Variants in RPS11 observed in about 807,000 individuals in gnomAD.
The protein encoded by RPS11 is ribosomal protein S11.
For synonymous variants in RPS11, 107 were observed against 78.0 expected, an observed-to-expected ratio of 1.37 and a Z score of -1.96; for missense variants, 127 against 211.4, an observed-to-expected ratio of 0.60 and a Z score of 2.48.
chr19:49,496,434 C>T lies in RPS11; in HGVS notation c.-23C>T, dbSNP rs113016591. The T allele has an allele frequency of 4.8e-5, 77 of 1,612,340 alleles. No individual in the cohort carries two copies. In the East Asian group the frequency reaches 4.9e-4, roughly 10 times the overall value. On this transcript the variant is annotated 5_prime_UTR_variant, in exon 1 of 5. Coordinates refer to ENST00000270625, the MANE Select transcript of RPS11 (RefSeq NM_001015.5). ...GAAACCCGGACGCTGCTGCCCCTTT[C>T]TTTTTTTCAGGCGGCCGGGAAGATG...
chr19:49,497,061 A>G, intron 1 of RPS11, 133 bp from the exon 2 acceptor site: 1 of 984,434 alleles, frequency 1.0e-6, no homozygotes, highest in East Asian at 2.5e-5. Context: ...CTGGGGCACC[A>G]GGCCTTGGAC....
Position 49,497,961 on chromosome 19 carries a change from C to G in RPS11, c.268C>G (p.Arg90Gly). 1 of 1,614,048 alleles carries G rather than the reference C, an allele frequency of 6.2e-7. No individual in the cohort carries two copies. The highest frequency in any genetic ancestry group is 8.5e-7 in the Non-Finnish European group (1 of 1,179,970). ...GATGCAGAGGACCATTGTCATCCGCCGAGACTATCTGCACTACATCCGCAA... is the reference window on the plus strand; with the variant it reads ...GATGCAGAGGACCATTGTCATCCGCGGAGACTATCTGCACTACATCCGCAA... ...MKMQRTIVIR[R>G]DYLHYIRKYN... Residue 90 changes from arginine (R) to glycine (G), a missense_variant, in exon 4 of 5, where the codon CGA becomes GGA. Arg to Gly is a moderately radical substitution (Grantham distance 125). Transcript: ENST00000270625.
intron 4 of RPS11, 196 bp downstream of exon 4, chr19:49,498,242 A>G (rs2073614): frequency 0.14 from 85,735 of 611,372 alleles, 9,103 homozygotes; most frequent in African/African-American, 0.44. Flanking sequence ...TCTACCTGAA[A>G]TGCTTGGAAC....
At position 49,497,373 on chromosome 19, in the gene RPS11, G is replaced by T. The variant is rs746974819; in HGVS notation, c.147+48G>T. Reference sequence around the variant, plus strand: ...GAAGGGGAACCTGGCGTTCCTGCACGTGTGCCCACGACGAGTTGCCCTGCC... The same window carrying T: ...GAAGGGGAACCTGGCGTTCCTGCACTTGTGCCCACGACGAGTTGCCCTGCC... On this transcript the variant is annotated intron_variant, in intron 2 of 4. Transcript: ENST00000270625. 1.1e-5 allele frequency: 18 copies of T among 1,612,142 alleles called. No individual in the cohort carries two copies. In the East Asian group the frequency reaches 3.8e-4, roughly 34 times the overall value.
At chr19:49,498,686 G>T (rs1255877943) in intron 4 of RPS11, among the ~76,000 whole-genome samples, 1 of 152,174 alleles carries the variant, frequency 6.6e-6, no homozygotes, top group Non-Finnish European at 1.5e-5. Context: ...GAAAGTGGAG[G>T]CTGCAGTGAG....
At chr19:49,498,252 C>G (rs1173539198) in intron 4 of RPS11, 1 of 589,844 alleles carries the variant, frequency 1.7e-6, no homozygotes, top group Non-Finnish European at 3.0e-6. Flanking sequence ...ATGCTTGGAA[C>G]CAGATTTTGG....
chr19:49,497,635 T>C (rs756235490), intron 3 of RPS11, 40 bp downstream of exon 3: 4 of 1,578,976 alleles, frequency 2.5e-6, no homozygotes, highest in Non-Finnish European at 2.6e-6. Context: ...CCTGAAATAC[T>C]GAAAGAAGGG....
Position 49,499,697 on chromosome 19 carries a change from C to G in RPS11, c.*62C>G. 1.3e-6 allele frequency: 2 copies of G among 1,578,114 alleles called. No homozygotes were observed. The highest frequency in any genetic ancestry group is 2.3e-5 in the South Asian group (2 of 87,292). ...GTTATTTTCTCATTCCCAGGCCAGA[C>G]TTGGGATCTTCCGCGCCTTTACCAG... On this transcript the variant is annotated 3_prime_UTR_variant, in exon 5 of 5. Coordinates refer to ENST00000270625, the MANE Select transcript of RPS11 (RefSeq NM_001015.5).
rs200290984 is a variant in RPS11 at position 49,497,616 on chromosome 19, T to G, written c.223+21T>G. ...CTCTGGTAAGTGCGGGAGTTACTGG[T>G]GTCTGGGGCCTGAAATACTGAAAGA... On this transcript the variant is annotated intron_variant, in intron 3 of 4. Coordinates refer to ENST00000270625, the MANE Select transcript of RPS11 (RefSeq NM_001015.5). 8.8e-4 allele frequency: 1,415 copies of G among 1,605,156 alleles called. 2 individuals carry two copies. The highest frequency in any genetic ancestry group is 1.2e-3 in the Non-Finnish European group (1,364 of 1,172,000).
chr19:49,498,769 C>G (rs1324490968), intron 4 of RPS11, among the ~76,000 whole-genome samples: 1 of 152,148 alleles, frequency 6.6e-6, no homozygotes, highest in Non-Finnish European at 1.5e-5. Context: ...CACACAAATT[C>G]AGATTTTGCA....
At chr19:49,497,356 A>G (rs1170353379) in intron 2 of RPS11, 31 bp downstream of exon 2, 1 of 1,613,226 alleles carries the variant, frequency 6.2e-7, no homozygotes, top group Non-Finnish European at 8.5e-7. Flanking sequence ...AAGAAGGGGA[A>G]CCTGGCGTTC....
intron 4 of RPS11, among the ~76,000 whole-genome samples, chr19:49,498,718 C>T (rs924682290): frequency 2.0e-5 from 3 of 152,164 alleles, no homozygotes; most frequent in Non-Finnish European, 4.4e-5. Flanking sequence ...GCACTGCTCT[C>T]CGGCCTGGGC....
At chr19:49,497,781 C>T in intron 3 of RPS11, 136 bp from the exon 4 acceptor site, 1 of 1,331,796 alleles carries the variant, frequency 7.5e-7, no homozygotes, top group Non-Finnish European at 1.1e-6. Flanking sequence ...GCTGAGAAAG[C>T]CACTTGGTAA....
chr19:49,499,462 G>T (rs750456058), intron 4 of RPS11, 50 bp from the exon 5 acceptor site: 6 of 1,585,042 alleles, frequency 3.8e-6, no homozygotes, highest in Non-Finnish European at 5.2e-6. Context: ...GCCTCCTGGG[G>T]TCTGCTGGGG....
At position 49,499,581 on chromosome 19, in the gene RPS11, C is replaced by T. The variant is rs147744906; in HGVS notation, c.423C>T (p.Asn141=). The T allele has an allele frequency of 8.1e-6, 13 of 1,613,914 alleles. No homozygotes were observed. Among genetic ancestry groups the T allele is most frequent in the East Asian group, 4.5e-5 (2 of 44,896 alleles). Residue 141 remains asparagine, a synonymous_variant, in exon 5 of 5, where the codon AAC becomes AAT. Transcript: ENST00000270625. ...CRPLSKTVRF[N]VLKVTKAAGT... ...CTCTGAGCAAGACAGTGCGCTTCAA[C>T]GTGCTCAAGGTCACCAAGGCTGCCG... is the stretch of plus-strand genomic sequence containing the variant.
chr19:49,499,315 T>C (rs1654018321), intron 4 of RPS11, among the ~76,000 whole-genome samples, 197 bp from the exon 5 acceptor site: 1 of 152,128 alleles, frequency 6.6e-6, no homozygotes, highest in South Asian at 2.1e-4. Context: ...TGGCCTGCTC[T>C]GTGTACAGCG....
Position 49,497,501 on chromosome 19 carries a change from A to G in RPS11, c.148-19A>G, listed in dbSNP as rs2079912653. 4 of 1,612,758 alleles carry G rather than the reference A, an allele frequency of 2.5e-6. No homozygotes were observed. The highest frequency in any genetic ancestry group is 2.5e-6 in the Non-Finnish European group (3 of 1,178,866). On this transcript the variant is annotated intron_variant, in intron 2 of 4. Coordinates refer to ENST00000270625, the MANE Select transcript of RPS11 (RefSeq NM_001015.5). ...CCGCCCGCCCAAGGCTCACTCCTTT[A>G]TCTTTCCTATCCTTTCAGGCTATTG...
rs973357138 is a variant in RPS11, at chr19:49,499,503, C to G, written c.354-9C>G. The G allele has an allele frequency of 1.7e-5, 27 of 1,612,062 alleles. No individual in the cohort carries two copies. The highest frequency in any genetic ancestry group is 2.3e-5 in the Non-Finnish European group (27 of 1,178,410). ...CCTCCTGAGGACATGGCCCTACCTG[C>G]CTCCACAGGGACGTCCAGATCGGTG... On this transcript the variant is annotated splice_polypyrimidine_tract_variant and intron_variant, in intron 4 of 4. Transcript: ENST00000270625.
At chr19:49,497,685 G>A (rs780190671) in intron 3 of RPS11, 90 bp downstream of exon 3, 6 of 1,291,646 alleles carry the variant, frequency 4.6e-6, no homozygotes, top group Middle Eastern at 1.8e-4. Flanking sequence ...TGAGAGGGGT[G>A]GTTAGGAATG....
Sources: allele counts gnomAD v4.1 joint callset (sites outside exome capture counted in the v4.1 genomes callset), GRCh38; gene constraint gnomAD v4.1.1; transcripts MANE v1.5; gene names NCBI Gene and HGNC (gene_info 2026-07-23, HGNC 2026-07-21).